The following ACP7 variants were observed in gnomAD, a reference collection of about 807,000 sequenced individuals.
The protein encoded by ACP7 is acid phosphatase type 7.
Under a neutral mutation model 60.6 loss-of-function variants are expected in ACP7, and 58 were observed. That is an observed-to-expected ratio of 0.96 (90% confidence interval 0.77 to 1.19). The LOEUF (loss-of-function observed/expected upper bound fraction) is 1.19, where lower values mean the gene tolerates loss of function less well. Among genes scored for constraint, ACP7 ranks in the 50% most tolerant of loss-of-function variants. The pLI is 0.00. For missense variants in ACP7, 574 were observed against 596.2 expected (o/e 0.96, Z 0.39); for synonymous variants, 237 against 232.6 (o/e 1.02, Z -0.17).
chr19:39,110,372 G>A lies in ACP7; in HGVS notation c.*254G>A, dbSNP rs946279377. The A allele has an allele frequency of 3.8e-6, 2 of 524,734 alleles. No individual in the cohort carries two copies. Among genetic ancestry groups the A allele is most frequent in the African/African-American group, 1.9e-5 (1 of 52,180 alleles). The allele number at this position is 524,734 out of a possible 1,614,324, so 32.5% of individuals were successfully genotyped here. ...ACACACGGCAGGTTTCTGCTGGCAG[G>A]GCCCCACCCTCCTGCATAGCTCTGA... On this transcript the variant is annotated 3_prime_UTR_variant, in exon 13 of 13. Coordinates refer to ENST00000331256, the MANE Select transcript of ACP7 (RefSeq NM_001004318.3).
intron 4 of ACP7, among the ~76,000 whole-genome samples, chr19:39,099,790 C>T (rs952710331): frequency 1.3e-5 from 2 of 151,000 alleles, no homozygotes; most frequent in African/African-American, 2.4e-5. Flanking sequence ...GTCAGGAGTT[C>T]GAGACCAGCC....
intron 2 of ACP7, among the ~76,000 whole-genome samples, chr19:39,095,556 T>C (rs1180562260): frequency 6.6e-6 from 1 of 152,198 alleles, no homozygotes; most frequent in Non-Finnish European, 1.5e-5. Context: ...CAGGCTGGCA[T>C]TGAGTTTCTG....
Position 39,098,959 on chromosome 19 carries a change from G to C in ACP7, c.323-1G>C. ...CTGCGACCTTTTCCTCTCCCATTCAGTTTATCGCTGTGGCAGTGCGCAGGG... is the reference window on the plus strand; with the variant it reads ...CTGCGACCTTTTCCTCTCCCATTCACTTTATCGCTGTGGCAGTGCGCAGGG... On this transcript the variant is annotated splice_acceptor_variant, in intron 3 of 12. Coordinates refer to ENST00000331256, the MANE Select transcript of ACP7 (RefSeq NM_001004318.3). LOFTEE classifies it high-confidence loss of function. 1 of 1,608,304 alleles carries C rather than the reference G, an allele frequency of 6.2e-7. No individual in the cohort carries two copies. Among genetic ancestry groups the C allele is most frequent in the Non-Finnish European group, 8.5e-7 (1 of 1,177,680 alleles).
intron 11 of ACP7, among the ~76,000 whole-genome samples, chr19:39,103,020 T>C (rs1360254275): frequency 6.6e-6 from 1 of 151,814 alleles, no homozygotes. Flanking sequence ...ATATTTTTAG[T>C]AGAGATGAGG....
At chr19:39,097,799 G>A (rs774913) in intron 2 of ACP7, among the ~76,000 whole-genome samples, 2 of 151,814 alleles carry the variant, frequency 1.3e-5, no homozygotes, top group Non-Finnish European at 2.9e-5. Flanking sequence ...ACTCATTCCC[G>A]CATATAACCC....
chr19:39,086,641 A>AGGGGG (rs34365418), intron 2 of ACP7, among the ~76,000 whole-genome samples: 33 of 75,064 alleles, frequency 4.4e-4, no homozygotes, highest in Admixed American at 1.1e-3. Context: ...AAAAAAAAAA[A>AGGGGG]GGGGGGGGGG....
At position 39,101,501 on chromosome 19, in the gene ACP7, C is replaced by T; in HGVS notation, c.1077C>T (p.Asn359=). 6.2e-7 allele frequency: 1 copy of T among 1,614,156 alleles called. No individual in the cohort carries two copies. Among genetic ancestry groups the T allele is most frequent in the Non-Finnish European group, 8.5e-7 (1 of 1,180,036 alleles). ...FNGSREMPYT[N]PRGPVHIITG... is the part of the protein sequence containing the mutation. ...GCAGCCGAGAGATGCCCTACACCAA[C>T]CCGCGAGGGCCTGTCCACATCATCA... Residue 359 remains asparagine (N), a synonymous_variant, in exon 11 of 13, where the codon AAC becomes AAT. Transcript: ENST00000331256.
chr19:39,094,336 C>G (rs2073242386), intron 2 of ACP7, among the ~76,000 whole-genome samples: 2 of 151,878 alleles, frequency 1.3e-5, no homozygotes, highest in African/African-American at 4.8e-5. Flanking sequence ...AACCCTGTCT[C>G]TACTAAAAAT....
intron 12 of ACP7, among the ~76,000 whole-genome samples, chr19:39,108,523 G>C (rs915987320): frequency 3.3e-5 from 5 of 152,156 alleles, no homozygotes; most frequent in African/African-American, 1.2e-4. Flanking sequence ...CTACATGGGG[G>C]TTGAAGGACT....
intron 2 of ACP7, among the ~76,000 whole-genome samples, chr19:39,093,101 T>TC (rs200512944): frequency 7.1e-6 from 1 of 141,648 alleles, no homozygotes; most frequent in African/African-American, 2.6e-5. Flanking sequence ...TTTCTTTCTT[T>TC]TTTTCTTTTT....
Position 39,085,315 on chromosome 19 carries a change from C to T in ACP7, c.46C>T (p.Leu16=). 6.2e-7 allele frequency: 1 copy of T among 1,613,814 alleles called. No individual in the cohort carries two copies. Among genetic ancestry groups the T allele is most frequent in the Non-Finnish European group, 8.5e-7 (1 of 1,179,828 alleles). ...CTGGTCCTGTTACTGTCTACTCCTG[C>T]TATTCTCCTTGGGAGTCCAGGGGTC... ...GYWSCYCLLL[L]FSLGVQGSLG... Residue 16 remains leucine (L), a synonymous_variant, in exon 2 of 13, where the codon CTA becomes TTA. Transcript: ENST00000331256.
At chr19:39,089,213 G>T (rs1039367090) in intron 2 of ACP7, among the ~76,000 whole-genome samples, 4 of 152,012 alleles carry the variant, frequency 2.6e-5, no homozygotes, top group African/African-American at 7.3e-5. Context: ...ACAGGCATGA[G>T]CCACTGTACC....
chr19:39,109,292 C>T (rs947313247), intron 12 of ACP7, among the ~76,000 whole-genome samples: 4 of 152,082 alleles, frequency 2.6e-5, no homozygotes, highest in African/African-American at 7.2e-5. Flanking sequence ...GCACATGCAC[C>T]GGGCGCAGAC....
Position 39,106,823 on chromosome 19 carries a change from CT to C in ACP7, c.1114-123del, listed in dbSNP as rs2073415455. 2.0e-5 allele frequency: 25 copies of C among 1,242,110 alleles called. 1 individual carries two copies. In the Admixed American group the frequency reaches 4.8e-4, roughly 24 times the overall value. The allele number at this position is 1,242,110 out of a possible 1,614,324, so 76.9% of individuals were successfully genotyped here. A position where few individuals can be genotyped will look rare whatever the true frequency, so the allele number is the denominator to read the frequency against. On this transcript the variant is annotated intron_variant, in intron 11 of 12. Coordinates refer to ENST00000331256, the MANE Select transcript of ACP7 (RefSeq NM_001004318.3). The stretch of plus-strand genomic sequence containing the variant: ...ACAGGCATGAGCCACTGCGCCCGGC[CT>C]CTATGGTGGTCAAGTCTTCACTGTC...
At chr19:39,110,010 G>A (rs1568485904) in intron 12 of ACP7, 43 bp from the exon 13 acceptor site, 3 of 1,586,922 alleles carry the variant, frequency 1.9e-6, no homozygotes, top group South Asian at 1.1e-5. Flanking sequence ...CCAGAGTTCA[G>A]GCTTTCAGCT....
At position 39,099,168 on chromosome 19, in the gene ACP7, A is replaced by C. The variant is rs573179619; in HGVS notation, c.505+26A>C. The C allele has an allele frequency of 1.2e-4, 179 of 1,441,354 alleles. 1 individual carries two copies. The highest frequency in any genetic ancestry group is 2.7e-5 in the East Asian group (1 of 37,188). The allele number at this position is 1,441,354 out of a possible 1,614,324, so 89.3% of individuals were successfully genotyped here. The stretch of plus-strand genomic sequence containing the variant: ...GTGAGGCATCCGCAGGGGCGCGCGC[A>C]GGGACGGTGGGGGGCGCGCGCAGGG... On this transcript the variant is annotated intron_variant, in intron 4 of 12. Coordinates refer to ENST00000331256, the MANE Select transcript of ACP7 (RefSeq NM_001004318.3).
chr19:39,093,274 G>A (rs1287619243), intron 2 of ACP7, among the ~76,000 whole-genome samples: 1 of 139,254 alleles, frequency 7.2e-6, no homozygotes, highest in Non-Finnish European at 1.5e-5. Flanking sequence ...TTTTCGAGAC[G>A]GGGTCTTGCT....
chr19:39,107,973 T>C (rs62120483), intron 12 of ACP7, among the ~76,000 whole-genome samples: 29,858 of 151,864 alleles, frequency 0.2, 2,935 homozygotes, highest in Non-Finnish European at 0.21. Flanking sequence ...ATCACTTGAG[T>C]GCAGGAGTTA....
At chr19:39,090,579 C>G (rs2073192786) in intron 2 of ACP7, among the ~76,000 whole-genome samples, 1 of 151,986 alleles carries the variant, frequency 6.6e-6, no homozygotes, top group South Asian at 2.1e-4. Flanking sequence ...ACCTCCCGGG[C>G]TCAAGTGACC....
Sources: allele counts gnomAD v4.1 joint callset (sites outside exome capture counted in the v4.1 genomes callset), GRCh38; gene constraint gnomAD v4.1.1; transcripts MANE v1.5; gene names NCBI Gene and HGNC (gene_info 2026-07-23, HGNC 2026-07-21).